The following HMGXB4 variants were observed in gnomAD, a reference collection of about 807,000 sequenced individuals.
HMGXB4 encodes HMG-box containing 4.
In HMGXB4, 27 loss-of-function variants were observed where a neutral mutation model predicts 63.9. The ratio of observed to expected loss-of-function variants is 0.42; its 90% confidence interval spans 0.31 to 0.58. HMGXB4 has a LOEUF of 0.58. Among genes scored for constraint, HMGXB4 ranks in the 20% least tolerant of loss-of-function variants. HMGXB4 has a pLI of 0.13. For synonymous variants in HMGXB4, 264 were observed against 265.3 expected (o/e 0.99, Z 0.05); for missense variants, 624 against 700.7 (o/e 0.89, Z 1.24).
At position 35,284,031 on chromosome 22, in the gene HMGXB4, C is replaced by T; in HGVS notation, c.1285C>T (p.His429Tyr). The change falls in exon 6 of 11, where the codon CAT (histidine) becomes TAT (tyrosine). Residue 429 changes from histidine to tyrosine, a missense_variant. Physicochemically the swap from His to Tyr is moderately conservative, Grantham distance 83. This residue lies in a region of HMGXB4 where 152 missense variants were observed against 230.1 expected (regional missense o/e 0.66). Transcript: ENST00000216106. ...GTATCGCGTGACCATTGTGGCTGAC[C>T]ATCCAGGTATAGGTAAGAACATTAC... ...KEYRVTIVAD[H>Y]PGIDFGELSK... The T allele has an allele frequency of 6.2e-7, 1 of 1,612,316 alleles. No individual in the cohort carries two copies.
chr22:35,252,177 T>TGCACTCCA, the HMGXB4 span, among the ~76,000 whole-genome samples: 18 of 152,308 alleles, frequency 1.2e-4, no homozygotes, highest in East Asian at 3.5e-3. Context: ...ATCGTGTCAG[T>TGCACTCCA]GCACTCCAGC....
chr22:35,255,194 G>C (rs989843859), upstream of HMGXB4, among the ~76,000 whole-genome samples: 5 of 152,064 alleles, frequency 3.3e-5, no homozygotes, highest in Admixed American at 2.0e-4. Flanking sequence ...CAAAGCAAAA[G>C]GGAAAAAGAA....
upstream of HMGXB4, among the ~76,000 whole-genome samples, chr22:35,252,524 C>T (rs113307942): frequency 1.3e-5 from 2 of 152,348 alleles, no homozygotes; most frequent in African/African-American, 4.8e-5. Context: ...CATGTTGTCA[C>T]AGATGGCAGG....
At chr22:35,244,884 A>G in the HMGXB4 span, among the ~76,000 whole-genome samples, 8 of 152,192 alleles carry the variant, frequency 5.3e-5, no homozygotes, top group Non-Finnish European at 1.0e-4. Context: ...CCTTTCTATA[A>G]AAAGTATAAA....
chr22:35,262,306 C>T lies in HMGXB4; in HGVS notation c.-68-17C>T. 7.1e-7 allele frequency: 1 copy of T among 1,403,918 alleles called. No individual in the cohort carries two copies. Among genetic ancestry groups the T allele is most frequent in the Non-Finnish European group, 1.0e-6 (1 of 989,892 alleles). 87.0% of individuals were successfully genotyped at this position (1,403,918 alleles called of 1,614,324 possible). ...TGATTTCGCATTACAGGAGGGTTTT[C>T]CTTCTTTGTTTCTCAGACCTGGTCC... On this transcript the variant is annotated splice_polypyrimidine_tract_variant and intron_variant, in intron 1 of 10. Transcript: ENST00000216106.
rs556740601 is a variant in HMGXB4, at chr22:35,259,876, C to A, written c.-69+2319C>A. Among the ~76,000 whole-genome samples the A allele has an allele frequency of 2.0e-5, 3 of 152,306 alleles. No homozygotes were observed. The East Asian group carries it at 5.8e-4, about 29-fold the overall frequency. On this transcript the variant is annotated intron_variant, in intron 1 of 10. Transcript: ENST00000216106. ...TTAAGAAAATTTAAACAGTGGTAGACCTAATATATGTAATGCCAACACCAC... is the reference window on the plus strand; with the variant it reads ...TTAAGAAAATTTAAACAGTGGTAGAACTAATATATGTAATGCCAACACCAC...
chr22:35,257,856 C>T (rs1045822417), intron 1 of HMGXB4, among the ~76,000 whole-genome samples: 1 of 151,906 alleles, frequency 6.6e-6, no homozygotes, highest in Non-Finnish European at 1.5e-5. Context: ...CCTGCGGACC[C>T]GGGCCGCCCC....
chr22:35,248,070 G>A, the HMGXB4 span, among the ~76,000 whole-genome samples: 134 of 152,118 alleles, frequency 8.8e-4, no homozygotes, highest in African/African-American at 3.1e-3. Context: ...AATACTGTAG[G>A]CAATTGTAAC....
chr22:35,288,211 C>G (rs755966646), intron 8 of HMGXB4, 27 bp from the exon 9 acceptor site: 1 of 1,419,350 alleles, frequency 7.0e-7, no homozygotes. Context: ...CAAGTTTTAC[C>G]TGTCTGCCTC....
At chr22:35,290,577 G>A (rs1292886824) in intron 9 of HMGXB4, among the ~76,000 whole-genome samples, 5 of 145,296 alleles carry the variant, frequency 3.4e-5, no homozygotes, top group African/African-American at 1.3e-4. Flanking sequence ...CTTGCAGTGA[G>A]CCGAGATTGC....
upstream of HMGXB4, among the ~76,000 whole-genome samples, chr22:35,255,581 C>G (rs912815812): frequency 6.6e-6 from 1 of 152,198 alleles, no homozygotes; most frequent in Non-Finnish European, 1.5e-5. Flanking sequence ...AAGCTTGGAG[C>G]TGCTGGAGTC....
At chr22:35,266,332 T>A (rs1601627785) in intron 5 of HMGXB4, among the ~76,000 whole-genome samples, 1 of 152,218 alleles carries the variant, frequency 6.6e-6, no homozygotes, top group East Asian at 1.9e-4. Flanking sequence ...AGCTAATGAC[T>A]TTCCACCAGC....
Position 35,265,258 on chromosome 22 carries a change from T to G in HMGXB4, c.870T>G (p.Ile290Met). ...ANLDLSGLEP[I>M]LVESDSSSGG... ...TTGATCTTTCAGGGCTTGAACCTAT[T>G]CTGGTAGAATCAGACTCATCCTCTG... Residue 290 changes from isoleucine (I) to methionine (M), a missense_variant, in exon 5 of 11, where the codon ATT becomes ATG. By Grantham distance (10) the Ile-to-Met change is conservative. This residue lies in a region of HMGXB4 where 472 missense variants were observed against 470.6 expected (regional missense o/e 1.00). Transcript: ENST00000216106. The G allele has an allele frequency of 1.2e-6, 2 of 1,614,030 alleles. No homozygotes were observed. Among genetic ancestry groups the G allele is most frequent in the East Asian group, 4.5e-5 (2 of 44,888 alleles).
At chr22:35,281,655 G>A (rs1924250191) in intron 5 of HMGXB4, among the ~76,000 whole-genome samples, 1 of 152,144 alleles carries the variant, frequency 6.6e-6, no homozygotes, top group Non-Finnish European at 1.5e-5. Context: ...ACTTTCTAAT[G>A]TTCTCAGTAT....
chr22:35,272,306 G>A (rs1331757755), intron 5 of HMGXB4, among the ~76,000 whole-genome samples: 1 of 152,162 alleles, frequency 6.6e-6, no homozygotes, highest in Non-Finnish European at 1.5e-5. Flanking sequence ...AGGAAAGAGT[G>A]AGCGGTGTGG....
intron 5 of HMGXB4, among the ~76,000 whole-genome samples, chr22:35,268,291 C>A (rs1380975758): frequency 6.6e-6 from 1 of 152,142 alleles, no homozygotes; most frequent in East Asian, 1.9e-4. Flanking sequence ...TCTTATCGTT[C>A]ACTTTTACAT....
At chr22:35,253,636 T>G (rs942766005), upstream of HMGXB4, among the ~76,000 whole-genome samples, 195 of 152,232 alleles carry the variant, frequency 1.3e-3, 1 homozygote, top group African/African-American at 4.4e-3. Flanking sequence ...TGTGTATGTG[T>G]GTTGCTGATG....
intron 9 of HMGXB4, among the ~76,000 whole-genome samples, chr22:35,292,081 T>C (rs1924965380): frequency 6.6e-6 from 1 of 152,162 alleles, no homozygotes; most frequent in Admixed American, 6.5e-5. Context: ...TGGAGAAATA[T>C]CCAAAAGGAG....
At chr22:35,267,136 A>ATG (rs869095219) in intron 5 of HMGXB4, among the ~76,000 whole-genome samples, 5 of 91,188 alleles carry the variant, frequency 5.5e-5, no homozygotes, top group South Asian at 4.3e-4. Flanking sequence ...GTTTATCAGT[A>ATG]TGTGTGTGTG....
Sources: gnomAD v4.1 joint callset for allele counts (sites outside exome capture counted in the v4.1 genomes callset) on GRCh38, gnomAD v4.1.1 for gene constraint, gnomAD v4.1.1 regional missense constraint, MANE v1.5 for transcripts, NCBI Gene and HGNC (gene_info 2026-07-23, HGNC 2026-07-21) for gene names.